FAM81A: variants seen among roughly 807,000 people sequenced by gnomAD.
FAM81A encodes family with sequence similarity 81 member A.
FAM81A carries 19 observed loss-of-function variants against 46.7 expected under a neutral mutation model. That is an observed-to-expected ratio of 0.41 (90% CI 0.28 to 0.60). The LOEUF is 0.60. FAM81A is among the 20% of genes least tolerant of loss of function. The probability of loss-of-function intolerance (pLI) is 0.34; values close to 1 mark genes in which losing one functional copy is unlikely to be tolerated. For synonymous variants in FAM81A, 183 were observed against 152.9 expected (o/e 1.20, Z -1.45); for missense variants, 377 against 453.5 (o/e 0.83, Z 1.53).
At chr15:59,463,935 G>A (rs1007742718) in intron 3 of FAM81A, among the ~76,000 whole-genome samples, 1 of 151,974 alleles carries the variant, frequency 6.6e-6, no homozygotes, top group East Asian at 1.9e-4. Flanking sequence ...AGGTAATTTT[G>A]TGTCGTTTAA....
chr15:59,465,013 G>C (rs1209826224), intron 3 of FAM81A, among the ~76,000 whole-genome samples: 1 of 152,128 alleles, frequency 6.6e-6, no homozygotes, highest in Non-Finnish European at 1.5e-5. Flanking sequence ...TGGGGGCCTA[G>C]TTTAATTCTT....
chr15:59,401,892 T>G, intron 1 of FAM81A: 1 of 763,686 alleles, frequency 1.3e-6, no homozygotes, highest in South Asian at 1.4e-5. Context: ...TTTCTTTGCC[T>G]TCTTTGAACA....
At position 59,458,594 on chromosome 15, in the gene FAM81A, T is replaced by G. The variant is rs2141637460; in HGVS notation, c.-33T>G. The G allele has an allele frequency of 6.2e-7, 1 of 1,613,932 alleles. No homozygotes were observed. The highest frequency in any genetic ancestry group is 2.2e-5 in the East Asian group (1 of 44,878). ...AAATGGCCCAACGGAGCACTGTATT[T>G]CCTTCTCGTGTCACCAAGGAAAGGT... On this transcript the variant is annotated 5_prime_UTR_variant, in exon 2 of 9. Coordinates refer to ENST00000288228, the MANE Select transcript of FAM81A (RefSeq NM_152450.3).
chr15:59,476,627 A>T (rs1489594699), intron 3 of FAM81A, among the ~76,000 whole-genome samples: 1 of 151,802 alleles, frequency 6.6e-6, no homozygotes, highest in Admixed American at 6.6e-5. Context: ...CTCTCCTAAA[A>T]ATATATATAA....
chr15:59,505,837 A>G (rs570441638), intron 4 of FAM81A, among the ~76,000 whole-genome samples: 81 of 152,334 alleles, frequency 5.3e-4, no homozygotes, highest in African/African-American at 1.9e-3. Context: ...TCACTTAAGA[A>G]TGATCCATTT....
intron 3 of FAM81A, among the ~76,000 whole-genome samples, chr15:59,480,779 T>C (rs1156482717): frequency 6.6e-6 from 1 of 152,124 alleles, no homozygotes; most frequent in Non-Finnish European, 1.5e-5. Context: ...TAAAAATAAA[T>C]GCATCATGAT....
intron 6 of FAM81A, among the ~76,000 whole-genome samples, chr15:59,509,781 C>T (rs571348113): frequency 1.3e-5 from 2 of 152,082 alleles, no homozygotes; most frequent in East Asian, 1.9e-4. Flanking sequence ...AATAGCCTGT[C>T]GTGGGAGGAA....
At chr15:59,510,126 G>C (rs999340611) in intron 6 of FAM81A, among the ~76,000 whole-genome samples, 1 of 152,148 alleles carries the variant, frequency 6.6e-6, no homozygotes, top group African/African-American at 2.4e-5. Context: ...AGCACTCTGG[G>C]AGGCCAAGGC....
At chr15:59,441,339 T>C (rs2081295404) in intron 1 of FAM81A, among the ~76,000 whole-genome samples, 1 of 152,266 alleles carries the variant, frequency 6.6e-6, no homozygotes, top group Non-Finnish European at 1.5e-5. Flanking sequence ...AAATATTTTA[T>C]ATCTGCACTG....
intron 5 of FAM81A, among the ~76,000 whole-genome samples, chr15:59,507,548 G>T (rs749195482): frequency 1.3e-5 from 2 of 152,060 alleles, no homozygotes; most frequent in Non-Finnish European, 2.9e-5. Context: ...CACCAAAATT[G>T]TTTGGTATAG....
At chr15:59,509,986 T>C (rs1250548915) in intron 6 of FAM81A, among the ~76,000 whole-genome samples, 12 of 151,678 alleles carry the variant, frequency 7.9e-5, no homozygotes, top group Admixed American at 2.6e-4. Flanking sequence ...TGAGAGATAA[T>C]AGAGGGAATA....
At position 59,522,413 on chromosome 15, in the gene FAM81A, T is replaced by G. The variant is rs2082336790; in HGVS notation, c.*1035T>G. 1 of 152,666 alleles carries G rather than the reference T, an allele frequency of 6.6e-6. No individual in the cohort carries two copies. Among genetic ancestry groups the G allele is most frequent in the Non-Finnish European group, 1.5e-5 (1 of 68,042 alleles). The allele number at this position is 152,666 out of a possible 1,614,324, so 9.5% of individuals were successfully genotyped here. On this transcript the variant is annotated 3_prime_UTR_variant, in exon 9 of 9. Coordinates refer to ENST00000288228, the MANE Select transcript of FAM81A (RefSeq NM_152450.3). ...TGTATTTTTTAAATGTTCTAAAAAT[T>G]TTATCGCTGTTAAGGTATTAATCAT... is the stretch of plus-strand genomic sequence containing the variant.
chr15:59,444,314 G>C (rs2081332269), intron 1 of FAM81A: 1 of 152,202 alleles, frequency 6.6e-6, no homozygotes, highest in African/African-American at 2.4e-5. Flanking sequence ...GAGTCAGGTG[G>C]GTGTTGGCTC....
chr15:59,491,090 A>G (rs2081975577), intron 3 of FAM81A, among the ~76,000 whole-genome samples: 1 of 152,204 alleles, frequency 6.6e-6, no homozygotes, highest in African/African-American at 2.4e-5. Flanking sequence ...GGAAATCAGT[A>G]TATGGAAGAG....
chr15:59,470,369 T>G (rs751888905), intron 3 of FAM81A, among the ~76,000 whole-genome samples: 5 of 152,240 alleles, frequency 3.3e-5, no homozygotes, highest in African/African-American at 9.6e-5. Context: ...TCTTTTCACA[T>G]AGTCCCATAT....
Position 59,460,197 on chromosome 15 carries a change from G to C in FAM81A, c.285G>C (p.Arg95=). The C allele has an allele frequency of 6.2e-7, 1 of 1,613,968 alleles. No homozygotes were observed. Among genetic ancestry groups the C allele is most frequent in the Non-Finnish European group, 8.5e-7 (1 of 1,179,906 alleles). ...NITAIVKQLN[R]DIEVLQEQIR... ...CTGCCATAGTGAAGCAACTTAATCG[G>C]GATATCGAGGTAAGGTTTGTGAAAG... The change falls in exon 3 of 9, where the codon CGG becomes CGC. Residue 95 remains arginine (R), a synonymous_variant. Coordinates refer to ENST00000288228, the MANE Select transcript of FAM81A (RefSeq NM_152450.3). This position sits in a 1 kb window ranked among gnomAD's most constrained non-coding sequence, Gnocchi z 4.4.
intron 1 of FAM81A, among the ~76,000 whole-genome samples, chr15:59,448,425 G>T (rs2081375005): frequency 6.6e-6 from 1 of 151,842 alleles, no homozygotes; most frequent in African/African-American, 2.4e-5. Flanking sequence ...CAAAATGTTT[G>T]CACCATCTAA....
chr15:59,504,766 A>T lies in FAM81A; in HGVS notation c.414-2447A>T, dbSNP rs74356463. ...GTTATTTACCCTCAATACTTAGAAG[A>T]TGTTTCTCCATTATCTTCTGATATC... is the stretch of plus-strand genomic sequence containing the variant. On this transcript the variant is annotated intron_variant, in intron 4 of 8. Transcript: ENST00000288228. Among the ~76,000 whole-genome samples the T allele has an allele frequency of 1.9e-3, 294 of 152,250 alleles. 2 individuals are homozygous for T. Among genetic ancestry groups the T allele is most frequent in the African/African-American group, 6.4e-3 (266 of 41,544 alleles).
chr15:59,488,561 AT>A (rs1408624173), intron 3 of FAM81A, among the ~76,000 whole-genome samples: 15 of 152,368 alleles, frequency 9.8e-5, no homozygotes, highest in Non-Finnish European at 2.1e-4. Context: ...TGATAAACAA[AT>A]TCAATAAAAT....
Sources: gnomAD v4.1 joint callset for allele counts (sites outside exome capture counted in the v4.1 genomes callset) on GRCh38, gnomAD v4.1.1 for gene constraint, Gnocchi (gnomAD v3.1) non-coding constraint, MANE v1.5 for transcripts, NCBI Gene and HGNC (gene_info 2026-07-23, HGNC 2026-07-21) for gene names.